Variants in PAX1 observed in about 807,000 individuals in gnomAD.
PAX1 encodes the protein paired box 1, also known as paired box protein Pax-1.
In PAX1, 18 loss-of-function variants were observed where a neutral mutation model predicts 35.6. The observed-to-expected ratio is 0.50, with a 90% confidence interval of 0.35 to 0.75. The LOEUF is 0.75. Among genes scored for constraint, PAX1 ranks in the 30% least tolerant of loss-of-function variants. The pLI is 0.01. For missense variants in PAX1, 760 were observed against 661.5 expected, an observed-to-expected ratio of 1.15 and a Z score of -1.63; for synonymous variants, 397 against 305.2, an observed-to-expected ratio of 1.30 and a Z score of -3.14.
chr20:21,707,113 T>C, intron 2 of PAX1, 46 bp downstream of exon 2: 1 of 1,610,810 alleles, frequency 6.2e-7, no homozygotes, highest in African/African-American at 1.3e-5. Context: ...GGGCAGAACC[T>C]GGGGCGGGCA....
intron 4 of PAX1, among the ~76,000 whole-genome samples, chr20:21,713,851 G>A (rs1334068096): frequency 6.6e-6 from 1 of 152,262 alleles, no homozygotes; most frequent in Non-Finnish European, 1.5e-5. Context: ...TGGATCCCCG[G>A]ACCTCGTGGG....
chr20:21,708,253 T>A, intron 2 of PAX1: 1 of 538,296 alleles, frequency 1.9e-6, no homozygotes, highest in Non-Finnish European at 3.4e-6. Context: ...CTGGGAGCCG[T>A]GTCTGGACAA....
Position 21,706,365 on chromosome 20 carries a change from G to T in PAX1, c.287-73G>T. The T allele has an allele frequency of 1.3e-6, 2 of 1,581,726 alleles. No homozygotes were observed. Among genetic ancestry groups the T allele is most frequent in the Non-Finnish European group, 1.7e-6 (2 of 1,160,982 alleles). ...GCGCCTGGGTGCAGTCCCTCGCTCC[G>T]CGTGGGGACCCTTGGCTAACCCGCC... On this transcript the variant is annotated intron_variant, in intron 1 of 4. Coordinates refer to ENST00000613128, the MANE Select transcript of PAX1 (RefSeq NM_001257096.2). The surrounding 1 kb of genome is among the most constrained non-coding windows in gnomAD (Gnocchi z 5.3).
At chr20:21,714,124 C>T (rs1029698669) in intron 4 of PAX1, among the ~76,000 whole-genome samples, 1 of 152,246 alleles carries the variant, frequency 6.6e-6, no homozygotes, top group Non-Finnish European at 1.5e-5. Flanking sequence ...AGACCTGAAA[C>T]CTTCCCAGCC....
Position 21,706,805 on chromosome 20 carries a change from C to T in PAX1, c.654C>T (p.Ser218=), listed in dbSNP as rs938981115. 6.2e-6 allele frequency: 10 copies of T among 1,613,492 alleles called. 1 individual carries two copies. In the East Asian group the frequency reaches 6.7e-5, roughly 11 times the overall value. The change falls in exon 2 of 5, where the codon AGC becomes AGT. Residue 218 remains serine, a synonymous_variant. Transcript: ENST00000613128. This position sits in a 1 kb window ranked among gnomAD's most constrained non-coding sequence, Gnocchi z 5.3. ...KYNVPSVSSI[S]RILRNKIGSL... is the part of the protein sequence containing the mutation. The stretch of plus-strand genomic sequence containing the variant: ...ATGTGCCTTCGGTGAGCTCCATCAG[C>T]CGCATCCTGCGCAACAAGATCGGCA...
Position 21,709,269 on chromosome 20 carries a change from C to G in PAX1, c.1107C>G (p.Ala369=), listed in dbSNP as rs1985115946. 3 of 1,605,978 alleles carry G rather than the reference C, an allele frequency of 1.9e-6. No homozygotes were observed. Among genetic ancestry groups the G allele is most frequent in the Non-Finnish European group, 2.5e-6 (3 of 1,179,734 alleles). ...TGGGCGGCTTTCTCCCCGCCTGCGC[C>G]TACCCGGCCTCCAACCAGCACGGCG... is the stretch of plus-strand genomic sequence containing the variant. ...SAVGGFLPAC[A]YPASNQHGVY... Residue 369 remains alanine (A), a synonymous_variant, in exon 4 of 5, where the codon GCC becomes GCG. Transcript: ENST00000613128.
At chr20:21,714,281 C>A (rs1202108885) in intron 4 of PAX1, among the ~76,000 whole-genome samples, 190 bp from the exon 5 acceptor site, 2 of 152,154 alleles carry the variant, frequency 1.3e-5, no homozygotes, top group African/African-American at 4.8e-5. Flanking sequence ...GCTCTCCTAG[C>A]GGGAGAGGAA....
chr20:21,706,824 A>G lies in PAX1; in HGVS notation c.673A>G (p.Ile225Val). The change falls in exon 2 of 5, where the codon ATC (isoleucine) becomes GTC (valine). Residue 225 changes from isoleucine (I) to valine (V), a missense_variant. Around this residue, in one of 3 missense-constraint regions of PAX1, gnomAD observed 490 missense variants for 428.4 expected, o/e 1.14. Transcript: ENST00000613128. This position sits in a 1 kb window ranked among gnomAD's most constrained non-coding sequence, Gnocchi z 5.3. The stretch of plus-strand genomic sequence containing the variant: ...CATCAGCCGCATCCTGCGCAACAAG[A>G]TCGGCAGCCTGGCGCAGCCCGGACC... ...SSISRILRNK[I>V]GSLAQPGPYE... 1 of 1,613,528 alleles carries G rather than the reference A, an allele frequency of 6.2e-7. No individual in the cohort carries two copies. Among genetic ancestry groups the G allele is most frequent in the Non-Finnish European group, 8.5e-7 (1 of 1,180,030 alleles).
rs746890310 is a variant in PAX1 at position 21,707,048 on chromosome 20, G to A, written c.897G>A (p.Arg299=). 3 of 1,612,976 alleles carry A rather than the reference G, an allele frequency of 1.9e-6. No homozygotes were observed. The highest frequency in any genetic ancestry group is 3.3e-5 in the Admixed American group (2 of 60,010). The change falls in exon 2 of 5, where the codon CGG becomes CGA. Residue 299 remains arginine, a synonymous_variant. Coordinates refer to ENST00000613128, the MANE Select transcript of PAX1 (RefSeq NM_001257096.2). ...AHSVSNILGI[R]TFMEQTGALA... ...CGGTCAGCAACATCCTGGGCATCCG[G>A]ACGTTTATGGAGCAAACAGGTCAGT...
rs201381441 is a variant in PAX1 at position 21,709,260 on chromosome 20, C to T, written c.1098C>T (p.Pro366=). ...TCTCTGCCGTGGGCGGCTTTCTCCCCGCCTGCGCCTACCCGGCCTCCAACC... is the reference window on the plus strand; with the variant it reads ...TCTCTGCCGTGGGCGGCTTTCTCCCTGCCTGCGCCTACCCGGCCTCCAACC... ...STLSAVGGFL[P]ACAYPASNQH... Residue 366 remains proline, a synonymous_variant, in exon 4 of 5, where the codon CCC becomes CCT. Coordinates refer to ENST00000613128, the MANE Select transcript of PAX1 (RefSeq NM_001257096.2). 8 of 1,606,472 alleles carry T rather than the reference C, an allele frequency of 5.0e-6. No homozygotes were observed. Among genetic ancestry groups the T allele is most frequent in the East Asian group, 2.2e-5 (1 of 44,860 alleles).
chr20:21,709,308 G>GGGC lies in PAX1; in HGVS notation c.1153_1155dup (p.Gly385dup). The GGGC allele has an allele frequency of 6.2e-7, 1 of 1,602,016 alleles. No individual in the cohort carries two copies. The highest frequency in any genetic ancestry group is 8.5e-7 in the Non-Finnish European group (1 of 1,178,676). On this transcript the variant is annotated inframe_insertion, in exon 4 of 5. Transcript: ENST00000613128. ...ACCAGCACGGCGTGTACAGCGCCCC[G>GGGC]GGCGGCGGCTACCTCGCCCCGGGCC... is the stretch of plus-strand genomic sequence containing the variant.
chr20:21,717,555 T>G lies in PAX1; in HGVS notation c.*2993T>G, dbSNP rs1032506086. ...AAAGATCCCATTGGAATATTGCACTTTTGCTCTTTGTTCGTATGGATCTGT... is the reference window on the plus strand; with the variant it reads ...AAAGATCCCATTGGAATATTGCACTGTTGCTCTTTGTTCGTATGGATCTGT... On this transcript the variant is annotated 3_prime_UTR_variant, in exon 5 of 5. Transcript: ENST00000613128. 6.6e-6 allele frequency: 1 copy of G among 152,224 alleles called. No homozygotes were observed. The highest frequency in any genetic ancestry group is 1.5e-5 in the Non-Finnish European group (1 of 68,056). 9.4% of individuals were successfully genotyped at this position (152,224 alleles called of 1,614,324 possible). A position where few individuals can be genotyped will look rare whatever the true frequency, so the allele number is the denominator to read the frequency against.
At position 21,709,414 on chromosome 20, in the gene PAX1, G is replaced by A; in HGVS notation, c.1252G>A (p.Ala418Thr). The change falls in exon 4 of 5, where the codon GCA (alanine) becomes ACA (threonine). Residue 418 changes from alanine (A) to threonine (T), a missense_variant. This residue lies in a region of PAX1 where 490 missense variants were observed against 428.4 expected (regional missense o/e 1.14). Coordinates refer to ENST00000613128, the MANE Select transcript of PAX1 (RefSeq NM_001257096.2). ...VAVHGGELAA[A>T]MTFKHPSREV... ...TGTGCATGGCGGGGAACTCGCGGCAGCAATGACCTTCAAGCATCCCAGCCG... is the reference window on the plus strand; with the variant it reads ...TGTGCATGGCGGGGAACTCGCGGCAACAATGACCTTCAAGCATCCCAGCCG... 6.5e-7 allele frequency: 1 copy of A among 1,542,346 alleles called. No homozygotes were observed. The highest frequency in any genetic ancestry group is 8.7e-7 in the Non-Finnish European group (1 of 1,149,248).
chr20:21,709,583 C>T, intron 4 of PAX1, 139 bp downstream of exon 4: 1 of 654,794 alleles, frequency 1.5e-6, no homozygotes, highest in Non-Finnish European at 2.5e-6. Flanking sequence ...CTGGGTTAAC[C>T]TTTGAGCATG....
chr20:21,709,378 G>A lies in PAX1; in HGVS notation c.1216G>A (p.Ala406Thr), dbSNP rs774159143. 1.3e-6 allele frequency: 2 copies of A among 1,561,810 alleles called. No homozygotes were observed. Among genetic ancestry groups the A allele is most frequent in the Non-Finnish European group, 1.7e-6 (2 of 1,158,146 alleles). The change falls in exon 4 of 5, where the codon GCC becomes ACC. Residue 406 changes from alanine (A) to threonine (T), a missense_variant. Transcript: ENST00000613128. ...AQGPPLAPPG[A>T]GVAVHGGELA... ...AGGTCCTCCTCTGGCGCCCCCCGGG[G>A]CCGGCGTAGCTGTGCATGGCGGGGA...
intron 4 of PAX1, among the ~76,000 whole-genome samples, chr20:21,713,418 C>T (rs1165740271): frequency 1.4e-5 from 2 of 144,130 alleles, no homozygotes; most frequent in East Asian, 4.0e-4. Context: ...GTGTCTTGCA[C>T]AGAGGTGGTT....
At position 21,708,712 on chromosome 20, in the gene PAX1, G is replaced by A. The variant is rs371496308; in HGVS notation, c.1059+12G>A. 347 of 1,612,954 alleles carry A rather than the reference G, an allele frequency of 2.2e-4. 3 individuals carry two copies. The South Asian group carries it at 3.6e-3, about 17-fold the overall frequency. ...TTAAATACACTCAGGTAACCAGGAG[G>A]CACGTGAGGCCGTGACCTTAAGTAG... On this transcript the variant is annotated intron_variant, in intron 3 of 4. Coordinates refer to ENST00000613128, the MANE Select transcript of PAX1 (RefSeq NM_001257096.2).
chr20:21,706,207 G>A lies in PAX1; in HGVS notation c.286+209G>A. 1 of 770,202 alleles carries A rather than the reference G, an allele frequency of 1.3e-6. No homozygotes were observed. Among genetic ancestry groups the A allele is most frequent in the Non-Finnish European group, 2.2e-6 (1 of 447,268 alleles). 47.7% of individuals were successfully genotyped at this position (770,202 alleles called of 1,614,324 possible). On this transcript the variant is annotated intron_variant, in intron 1 of 4. Coordinates refer to ENST00000613128, the MANE Select transcript of PAX1 (RefSeq NM_001257096.2). This position sits in a 1 kb window ranked among gnomAD's most constrained non-coding sequence, Gnocchi z 5.3. Reference sequence around the variant, plus strand: ...AGTAGACGCGCTAAAAGTCGCGAAAGGGCACGGAGGGCTACAATGCGCCGC... The same window carrying A: ...AGTAGACGCGCTAAAAGTCGCGAAAAGGCACGGAGGGCTACAATGCGCCGC...
intron 4 of PAX1, among the ~76,000 whole-genome samples, chr20:21,712,116 A>G (rs1985214627): frequency 6.6e-6 from 1 of 152,214 alleles, no homozygotes; most frequent in Non-Finnish European, 1.5e-5. Context: ...CGCACAGTGC[A>G]ATATATATCA....
Sources: allele counts gnomAD v4.1 joint callset (sites outside exome capture counted in the v4.1 genomes callset), GRCh38; gene constraint gnomAD v4.1.1; regional missense constraint gnomAD v4.1.1; non-coding constraint Gnocchi (gnomAD v3.1); transcripts MANE v1.5; gene names NCBI Gene and HGNC (gene_info 2026-07-23, HGNC 2026-07-21).